The following PSD3 variants were observed in gnomAD, a reference collection of about 807,000 sequenced individuals.
PSD3 encodes PH and SEC7 domain-containing protein 3.
A neutral mutation model predicts 105.5 loss-of-function variants in PSD3; 49 were observed. That is an observed-to-expected ratio of 0.46 (90% CI 0.37 to 0.59). The LOEUF is 0.59. Ranked by LOEUF, PSD3 falls within the 20% of genes least tolerant of loss-of-function variation. The pLI is 0.00. For synonymous variants in PSD3, 557 were observed against 457.8 expected (o/e 1.22, Z -2.77); for missense variants, 1,561 against 1,263.8 (o/e 1.24, Z -3.57).
In PSD3 at chr8:18,616,723, A is replaced by G. The variant is rs113837838; in HGVS notation, c.2410+15890T>C. On this transcript the variant is annotated intron_variant, in intron 11 of 15. Transcript: ENST00000327040. Reference sequence around the variant, plus strand: ...ACTGCAAGCTCCGCCTCCCGGGTTCACGCCATTCTCCTGCCTCAGCCTCCC... The same window carrying G: ...ACTGCAAGCTCCGCCTCCCGGGTTCGCGCCATTCTCCTGCCTCAGCCTCCC... Among the ~76,000 whole-genome samples, 759 of 143,182 alleles carry G rather than the reference A, an allele frequency of 5.3e-3. 8 individuals carry two copies. Among genetic ancestry groups the G allele is most frequent in the African/African-American group, 0.019 (724 of 38,564 alleles). 93.9% of individuals were successfully genotyped at this position (143,182 alleles called of 152,430 possible). A position where few individuals can be genotyped will look rare whatever the true frequency, so the allele number is the denominator to read the frequency against.
chr8:18,801,002 T>G (rs1048731737), intron 7 of PSD3: 1 of 238,792 alleles, frequency 4.2e-6, no homozygotes, highest in African/African-American at 2.3e-5. Flanking sequence ...GTAGAGGATA[T>G]CATGCTGTCC....
intron 14 of PSD3, among the ~76,000 whole-genome samples, chr8:18,556,799 A>G (rs1246846377): frequency 6.6e-6 from 1 of 152,008 alleles, no homozygotes; most frequent in Non-Finnish European, 1.5e-5. Context: ...CTATGTGCAT[A>G]TTTTTTTTCC....
At chr8:18,852,869 G>C (rs1030915119) in intron 4 of PSD3, among the ~76,000 whole-genome samples, 10 of 152,060 alleles carry the variant, frequency 6.6e-5, no homozygotes, top group Non-Finnish European at 1.3e-4. Context: ...AGAGCAGAAG[G>C]AACTATGGTA....
intron 4 of PSD3, among the ~76,000 whole-genome samples, chr8:18,862,412 C>G (rs1176992800): frequency 1.3e-5 from 2 of 151,916 alleles, no homozygotes; most frequent in Non-Finnish European, 2.9e-5. Flanking sequence ...CATTACACTA[C>G]TTTGGAAAGA....
chr8:18,545,425 A>G (rs927275512), intron 15 of PSD3, among the ~76,000 whole-genome samples: 1 of 152,088 alleles, frequency 6.6e-6, no homozygotes, highest in Non-Finnish European at 1.5e-5. Context: ...AAAAAAGAAA[A>G]CACACCCTGA....
At chr8:18,793,863 G>A (rs184046667) in intron 8 of PSD3, among the ~76,000 whole-genome samples, 5 of 152,248 alleles carry the variant, frequency 3.3e-5, no homozygotes, top group Non-Finnish European at 7.4e-5. Flanking sequence ...GAGTTCTTGA[G>A]GATATTAACT....
chr8:18,828,067 ATT>A (rs71218905), intron 4 of PSD3, among the ~76,000 whole-genome samples: 11 of 118,890 alleles, frequency 9.3e-5, no homozygotes, highest in South Asian at 2.6e-4. Context: ...ATATATATAT[ATT>A]TTTTTTTTTT....
chr8:18,783,888 G>A (rs953430128), intron 8 of PSD3, among the ~76,000 whole-genome samples: 2 of 152,114 alleles, frequency 1.3e-5, no homozygotes, highest in African/African-American at 4.8e-5. Flanking sequence ...TGCCTGCCTC[G>A]GCCTCCCAGA....
intron 9 of PSD3, among the ~76,000 whole-genome samples, chr8:18,692,091 T>A (rs1367464205): frequency 6.6e-6 from 1 of 152,186 alleles, no homozygotes; most frequent in East Asian, 1.9e-4. Context: ...AGGGTGACCA[T>A]TTGGTACAAT....
chr8:18,575,016 C>CT (rs1447708039), intron 13 of PSD3, 112 bp downstream of exon 13: 5 of 1,167,850 alleles, frequency 4.3e-6, no homozygotes, highest in Non-Finnish European at 5.8e-6. Context: ...CAGTTGATGA[C>CT]TTTGATTCCA....
At chr8:18,907,939 A>C (rs1489147578) in intron 2 of PSD3, among the ~76,000 whole-genome samples, 1 of 152,254 alleles carries the variant, frequency 6.6e-6, no homozygotes, top group Non-Finnish European at 1.5e-5. Context: ...CTCGGCACAC[A>C]AGAATGACAG....
intron 1 of PSD3, among the ~76,000 whole-genome samples, chr8:19,030,072 A>G (rs1247582464): frequency 6.6e-6 from 1 of 152,154 alleles, no homozygotes; most frequent in African/African-American, 2.4e-5. Flanking sequence ...GGGGAAAAGC[A>G]TTTAGTCTTT....
chr8:19,062,174 C>A (rs1828923432), intron 1 of PSD3, among the ~76,000 whole-genome samples: 1 of 152,184 alleles, frequency 6.6e-6, no homozygotes, highest in African/African-American at 2.4e-5. Flanking sequence ...GTATTCCTAC[C>A]AATAAGCAAC....
At chr8:18,800,596 G>T (rs952955279) in intron 7 of PSD3, among the ~76,000 whole-genome samples, 1 of 152,182 alleles carries the variant, frequency 6.6e-6, no homozygotes, top group Non-Finnish European at 1.5e-5. Flanking sequence ...TGCAGGAACT[G>T]AAATGGAGGA....
intron 1 of PSD3, among the ~76,000 whole-genome samples, chr8:19,067,977 G>A (rs1829131927): frequency 6.6e-6 from 1 of 152,160 alleles, no homozygotes; most frequent in Admixed American, 6.5e-5. Context: ...TCAGGCACAT[G>A]GGAAGTGATT....
At chr8:18,909,730 C>T (rs1436210963) in intron 2 of PSD3, among the ~76,000 whole-genome samples, 3 of 152,162 alleles carry the variant, frequency 2.0e-5, no homozygotes, top group African/African-American at 7.2e-5. Flanking sequence ...GTGATCTGCC[C>T]ACCTTGGCCT....
chr8:19,044,683 A>T (rs1413697711), intron 1 of PSD3, among the ~76,000 whole-genome samples: 1 of 152,192 alleles, frequency 6.6e-6, no homozygotes, highest in Non-Finnish European at 1.5e-5. Context: ...ACAACGACAT[A>T]CAAATATAAT....
chr8:18,557,112 T>C (rs574762964), intron 14 of PSD3, among the ~76,000 whole-genome samples: 78 of 152,358 alleles, frequency 5.1e-4, no homozygotes, highest in African/African-American at 1.5e-3. Flanking sequence ...CAAAAAGATA[T>C]GTTACTGAAC....
At chr8:18,821,717 A>ACACACACC (rs1554513425) in intron 4 of PSD3, among the ~76,000 whole-genome samples, 10,075 of 140,904 alleles carry the variant, frequency 0.072, 365 homozygotes, top group Middle Eastern at 0.11. Flanking sequence ...ACACACACAC[A>ACACACACC]CCCCAATAAC....
Sources: gnomAD v4.1 joint callset for allele counts (sites outside exome capture counted in the v4.1 genomes callset) on GRCh38, gnomAD v4.1.1 for gene constraint, MANE v1.5 for transcripts, NCBI Gene and HGNC (gene_info 2026-07-23, HGNC 2026-07-21) for gene names.